FLCN: variants seen among roughly 807,000 people sequenced by gnomAD.
FLCN encodes BHD skin lesion fibrofolliculoma protein.
FLCN carries 22 observed loss-of-function variants against 62.5 expected under a neutral mutation model. The observed-to-expected ratio is 0.35, with a 90% CI of 0.25 to 0.50. The LOEUF (loss-of-function observed/expected upper bound fraction) is 0.50. Among genes scored for constraint, FLCN ranks in the 20% least tolerant of loss-of-function variants. The probability of loss-of-function intolerance (pLI) is 0.97; values close to 1 mark genes in which losing one functional copy is unlikely to be tolerated. For synonymous variants in FLCN, 319 were observed against 310.0 expected (o/e 1.03, Z -0.30); for missense variants, 657 against 778.0 (o/e 0.84, Z 1.85).
chr17:17,228,598 A>G (rs1046997897), intron 3 of FLCN: 1 of 184,234 alleles, frequency 5.4e-6, no homozygotes, highest in African/African-American at 2.3e-5. Flanking sequence ...GCTAGGCAAC[A>G]TGATACTGCC....
intron 1 of FLCN, among the ~76,000 whole-genome samples, chr17:17,235,073 G>A (rs541742461): frequency 7.1e-6 from 1 of 141,838 alleles, no homozygotes; most frequent in African/African-American, 2.6e-5. Flanking sequence ...TCGCACCACT[G>A]CACTCCAGCC....
chr17:17,225,920 AC>A, intron 5 of FLCN: 1 of 627,852 alleles, frequency 1.6e-6, no homozygotes. Flanking sequence ...TAAAGAAAGG[AC>A]AAATAATAAA....
At chr17:17,234,849 C>T (rs1174505498) in intron 1 of FLCN, among the ~76,000 whole-genome samples, 5 of 146,542 alleles carry the variant, frequency 3.4e-5, no homozygotes, top group Admixed American at 1.4e-4. Flanking sequence ...CGGTGGCTCA[C>T]GCCTGTAATC....
chr17:17,214,604 AAAAAAT>A (rs2046852708), intron 13 of FLCN, among the ~76,000 whole-genome samples: 1 of 152,172 alleles, frequency 6.6e-6, no homozygotes, highest in South Asian at 2.1e-4. Context: ...CAAAAAAAAT[AAAAAAT>A]AAAAATAAAA....
rs180900492 is a variant in FLCN, at chr17:17,237,002, A to G, written c.-318T>C. ...AGCCCCGCCCCTGACTGCGCTGGGTAGGTGGTCGCTGCGGGACCCGGACCG... is the reference window on the plus strand; with the variant it reads ...AGCCCCGCCCCTGACTGCGCTGGGTGGGTGGTCGCTGCGGGACCCGGACCG... On this transcript the variant is annotated 5_prime_UTR_variant, in exon 1 of 14. Transcript: ENST00000285071. 1 of 152,092 alleles carries G rather than the reference A, an allele frequency of 6.6e-6. No individual in the cohort carries two copies. The highest frequency in any genetic ancestry group is 2.4e-5 in the African/African-American group (1 of 41,356). 9.4% of individuals were successfully genotyped at this position (152,092 alleles called of 1,614,324 possible).
chr17:17,228,518 A>C, intron 3 of FLCN: 3 of 288,718 alleles, frequency 1.0e-5, no homozygotes, highest in South Asian at 4.0e-5. Context: ...CAAATAGATA[A>C]AAGGCCACAG....
chr17:17,215,595 A>G (rs1237841423), intron 11 of FLCN, among the ~76,000 whole-genome samples: 3 of 152,208 alleles, frequency 2.0e-5, no homozygotes, highest in African/African-American at 4.8e-5. Flanking sequence ...AAGCAGCCCT[A>G]TGAGGGTGGT....
intron 1 of FLCN, among the ~76,000 whole-genome samples, chr17:17,236,436 G>A (rs752313918): frequency 1.3e-5 from 2 of 152,160 alleles, no homozygotes. Context: ...GCTCCTCCTT[G>A]CCCTGTGTCC....
chr17:17,213,961 G>C, intron 13 of FLCN, 105 bp from the exon 14 acceptor site: 1 of 1,248,116 alleles, frequency 8.0e-7, no homozygotes, highest in Non-Finnish European at 1.2e-6. Context: ...AGCAGGAGCT[G>C]TGCAGGCAGA....
At chr17:17,221,420 T>C (rs746915004) in intron 8 of FLCN, 117 bp downstream of exon 8, 2 of 1,613,804 alleles carry the variant, frequency 1.2e-6, no homozygotes, top group Admixed American at 3.3e-5. Flanking sequence ...AGGCTCGTTC[T>C]GGGCTGATTC....
At chr17:17,225,859 C>G in intron 5 of FLCN, 3 of 426,322 alleles carry the variant, frequency 7.0e-6, no homozygotes, top group South Asian at 2.2e-5. Context: ...CCAGTCTGGA[C>G]GACAGAGCGA....
intron 9 of FLCN, chr17:17,217,481 T>C: frequency 2.2e-6 from 1 of 444,834 alleles, no homozygotes; most frequent in South Asian, 2.1e-5. Flanking sequence ...ATTCACCTTC[T>C]CTCTACAGAC....
Position 17,213,815 on chromosome 17 carries a change from C to CT in FLCN, c.1579_1580insA (p.Arg527GlnfsTer75), listed in dbSNP as rs753009073. On this transcript the variant is annotated frameshift_variant, in exon 14 of 14. Coordinates refer to ENST00000285071, the MANE Select transcript of FLCN (RefSeq NM_144997.7). LOFTEE classifies it high-confidence loss of function. ...CAGCTTCTGTGTGTCCTCTTTGGGT[C>CT]GACTGTCCACCTTGGTGAACTTAAA... The CT allele has an allele frequency of 1.2e-6, 2 of 1,614,196 alleles. No individual in the cohort carries two copies. Among genetic ancestry groups the CT allele is most frequent in the East Asian group, 4.5e-5 (2 of 44,882 alleles).
intron 9 of FLCN, 53 bp from the exon 10 acceptor site, chr17:17,217,235 C>T: frequency 8.3e-7 from 1 of 1,207,096 alleles, no homozygotes; most frequent in Non-Finnish European, 1.2e-6. Flanking sequence ...TGGTTTTTCT[C>T]TCCCTTCCCA....
At chr17:17,229,450 G>A (rs956325160) in intron 3 of FLCN, 1 of 152,234 alleles carries the variant, frequency 6.6e-6, no homozygotes, top group Non-Finnish European at 1.5e-5. Context: ...GGTCACAAAC[G>A]GATAAACACT....
rs1286702596 is a variant in FLCN, at chr17:17,216,999, TC to T, written c.1176+69del. ...GCTGGGCAGTCGGTGCACCTTGGCA[TC>T]CCCACCTGACGCCAGGCACCAGGCC... On this transcript the variant is annotated intron_variant, in intron 10 of 13. Transcript: ENST00000285071. The surrounding 1 kb of genome is among the most constrained non-coding windows in gnomAD (Gnocchi z 4.0). 1.0e-5 allele frequency: 12 copies of T among 1,160,788 alleles called. No homozygotes were observed. The highest frequency in any genetic ancestry group is 1.5e-5 in the African/African-American group (1 of 65,978). The allele number at this position is 1,160,788 out of a possible 1,614,324, so 71.9% of individuals were successfully genotyped here. A position where few individuals can be genotyped will look rare whatever the true frequency, so the allele number is the denominator to read the frequency against.
chr17:17,221,184 T>C (rs145380364), intron 8 of FLCN: 7 of 1,486,902 alleles, frequency 4.7e-6, no homozygotes, highest in Middle Eastern at 4.1e-4. Flanking sequence ...AACAGAACAC[T>C]TTATTTGTAA....
chr17:17,213,936 C>T, intron 13 of FLCN, 80 bp from the exon 14 acceptor site: 1 of 1,492,338 alleles, frequency 6.7e-7, no homozygotes, highest in Non-Finnish European at 9.3e-7. Flanking sequence ...CCAGGGGTGA[C>T]ACGGCTTTGG....
chr17:17,224,565 C>T (rs1465932908), intron 5 of FLCN: 4 of 323,446 alleles, frequency 1.2e-5, no homozygotes, highest in East Asian at 6.2e-5. Flanking sequence ...GATGGAGTCT[C>T]GCTCTTGTCA....
Sources: allele counts gnomAD v4.1 joint callset (sites outside exome capture counted in the v4.1 genomes callset), GRCh38; gene constraint gnomAD v4.1.1; non-coding constraint Gnocchi (gnomAD v3.1); transcripts MANE v1.5; gene names NCBI Gene and HGNC (gene_info 2026-07-23, HGNC 2026-07-21).